Variants in MDGA2 observed in about 807,000 individuals in gnomAD.
MDGA2 encodes MAM domain-containing glycosylphosphatidylinositol anchor protein 2.
A neutral mutation model predicts 117.8 loss-of-function variants in MDGA2; 40 were observed. The ratio of observed to expected loss-of-function variants is 0.34; its 90% confidence interval spans 0.26 to 0.44. The LOEUF (loss-of-function observed/expected upper bound fraction) is 0.44, where lower values mean the gene tolerates loss of function less well. MDGA2 is among the 20% of genes least tolerant of loss of function. The probability of loss-of-function intolerance (pLI) is 1.00; values close to 1 mark genes in which losing one functional copy is unlikely to be tolerated. For missense variants in MDGA2, 1,123 were observed against 1,250.6 expected (o/e 0.90, Z 1.54); for synonymous variants, 452 against 439.0 (o/e 1.03, Z -0.37).
intron 1 of MDGA2, among the ~76,000 whole-genome samples, chr14:47,482,268 G>T (rs1052869092): frequency 1.3e-5 from 2 of 151,978 alleles, no homozygotes; most frequent in Non-Finnish European, 2.9e-5. Flanking sequence ...ATGGAGGGAA[G>T]TTTCCCTAAT....
intron 7 of MDGA2, among the ~76,000 whole-genome samples, chr14:47,050,652 G>A (rs369460020): frequency 6.6e-6 from 1 of 152,000 alleles, no homozygotes; most frequent in Non-Finnish European, 1.5e-5. Context: ...TCCAGTTGCA[G>A]TTAGATAGCA....
intron 1 of MDGA2, among the ~76,000 whole-genome samples, chr14:47,368,361 T>C (rs147557041): frequency 1.3e-3 from 196 of 152,226 alleles, no homozygotes; most frequent in Non-Finnish European, 2.4e-3. Flanking sequence ...AATAAATGAT[T>C]GTATAGACCC....
chr14:47,303,285 T>C (rs780376918), intron 1 of MDGA2, among the ~76,000 whole-genome samples: 2 of 152,182 alleles, frequency 1.3e-5, no homozygotes, highest in Non-Finnish European at 2.9e-5. Flanking sequence ...CCTTTGTCTT[T>C]TTAAAGTAAC....
chr14:47,027,675 ATTTC>A (rs1490535767), intron 8 of MDGA2, among the ~76,000 whole-genome samples: 7 of 150,818 alleles, frequency 4.6e-5, no homozygotes, highest in Admixed American at 2.6e-4. Context: ...GAGACTGAAA[ATTTC>A]TTTCTATTTT....
chr14:46,957,018 T>G (rs1885588876), intron 9 of MDGA2, among the ~76,000 whole-genome samples: 1 of 152,174 alleles, frequency 6.6e-6, no homozygotes. Context: ...CCAGTCATGC[T>G]TCCTGTTTAG....
chr14:47,613,479 T>TCTCACACACACACA (rs1023859588), intron 1 of MDGA2, among the ~76,000 whole-genome samples: 3,735 of 140,994 alleles, frequency 0.026, 175 homozygotes, highest in African/African-American at 0.096. Context: ...TCTCTCTCTC[T>TCTCACACACACACA]CACACACACA....
intron 10 of MDGA2, among the ~76,000 whole-genome samples, chr14:46,898,845 T>A (rs184481883): frequency 6.6e-6 from 1 of 152,098 alleles, no homozygotes; most frequent in Non-Finnish European, 1.5e-5. Flanking sequence ...ATCATATAGA[T>A]GGCATCAACA....
intron 16 of MDGA2, among the ~76,000 whole-genome samples, chr14:46,844,678 T>C (rs1880751698): frequency 6.6e-6 from 1 of 152,186 alleles, no homozygotes; most frequent in African/African-American, 2.4e-5. Flanking sequence ...CTTTGTGTCC[T>C]CACACAAGTC....
At chr14:47,557,728 T>C (rs1185247346) in intron 1 of MDGA2, among the ~76,000 whole-genome samples, 3 of 152,214 alleles carry the variant, frequency 2.0e-5, no homozygotes, top group Admixed American at 6.5e-5. Flanking sequence ...GCACTATAGA[T>C]ATAATGTGAA....
chr14:47,222,043 C>A (rs1383236356), intron 2 of MDGA2, among the ~76,000 whole-genome samples: 1 of 151,816 alleles, frequency 6.6e-6, no homozygotes, highest in African/African-American at 2.4e-5. Context: ...ATGCAATAGA[C>A]CACTATACAG....
intron 8 of MDGA2, among the ~76,000 whole-genome samples, chr14:46,959,283 G>A (rs1014410265): frequency 4.2e-5 from 6 of 142,646 alleles, no homozygotes; most frequent in Non-Finnish European, 5.9e-5. Flanking sequence ...GTGTGTGTGT[G>A]TGTGTGTGTG....
Position 47,163,696 on chromosome 14 carries a change from G to C in MDGA2, c.596-19422C>G, listed in dbSNP as rs149155034. Among the ~76,000 whole-genome samples, 128 of 152,286 alleles carry C rather than the reference G, an allele frequency of 8.4e-4. 2 individuals are homozygous for C. The East Asian group carries it at 0.023, about 27-fold the overall frequency. ...AAACGGACTAATACAGTGCACTTTT[G>C]TGTTTCAGCACGAGGAGGAAAACAC... On this transcript the variant is annotated intron_variant, in intron 3 of 16. Transcript: ENST00000399232.
chr14:47,335,745 T>TACAC (rs77837591), intron 1 of MDGA2, among the ~76,000 whole-genome samples: 2 of 95,552 alleles, frequency 2.1e-5, no homozygotes, highest in African/African-American at 4.3e-5. Context: ...TATATATATA[T>TACAC]ATACATACAT....
intron 1 of MDGA2, among the ~76,000 whole-genome samples, chr14:47,453,501 C>G (rs769672669): frequency 2.0e-5 from 3 of 152,104 alleles, no homozygotes; most frequent in Non-Finnish European, 4.4e-5. Flanking sequence ...ATCTCCCTCA[C>G]ATAGTAAATT....
At chr14:47,389,834 C>G (rs1365760907) in intron 1 of MDGA2, among the ~76,000 whole-genome samples, 1 of 152,080 alleles carries the variant, frequency 6.6e-6, no homozygotes, top group Non-Finnish European at 1.5e-5. Context: ...AACATAATTC[C>G]CTTAAATACA....
chr14:46,885,067 C>G (rs561605993), intron 10 of MDGA2, among the ~76,000 whole-genome samples: 2 of 151,918 alleles, frequency 1.3e-5, no homozygotes, highest in African/African-American at 4.8e-5. Flanking sequence ...AGGCTGGTCT[C>G]AAACTCTTGA....
intron 1 of MDGA2, among the ~76,000 whole-genome samples, chr14:47,534,211 C>T (rs1895159995): frequency 6.6e-6 from 1 of 152,072 alleles, no homozygotes; most frequent in Non-Finnish European, 1.5e-5. Flanking sequence ...ATTTATAGCC[C>T]AGTCTTCATG....
intron 3 of MDGA2, among the ~76,000 whole-genome samples, chr14:47,187,021 A>G (rs1884936877): frequency 6.6e-6 from 1 of 151,968 alleles, no homozygotes. Flanking sequence ...GAAGAGTTAG[A>G]AAGATGCTAT....
intron 1 of MDGA2, among the ~76,000 whole-genome samples, chr14:47,566,261 T>A (rs2138811472): frequency 6.6e-6 from 1 of 152,240 alleles, no homozygotes. Context: ...GTACAGGAGC[T>A]ATGATGTATG....
Sources: allele counts gnomAD v4.1 joint callset (sites outside exome capture counted in the v4.1 genomes callset), GRCh38; gene constraint gnomAD v4.1.1; transcripts MANE v1.5; gene names NCBI Gene and HGNC (gene_info 2026-07-23, HGNC 2026-07-21).